PBX3: variants seen among roughly 807,000 people sequenced by gnomAD.
PBX3 encodes PBX homeobox 3, also known as pre-B-cell leukemia transcription factor 3.
A neutral mutation model predicts 48.5 loss-of-function variants in PBX3; 14 were observed. The ratio of observed to expected loss-of-function variants is 0.29; its 90% CI spans 0.19 to 0.45. PBX3 has a LOEUF of 0.45. Among genes scored for constraint, PBX3 ranks in the 20% least tolerant of loss-of-function variants. PBX3 has a pLI of 1.00. For missense variants in PBX3, 386 were observed against 546.7 expected, an observed-to-expected ratio of 0.71 and a Z score of 2.93; for synonymous variants, 210 against 200.3, an observed-to-expected ratio of 1.05 and a Z score of -0.41.
intron 2 of PBX3, among the ~76,000 whole-genome samples, chr9:125,833,199 A>C (rs570870035): frequency 6.6e-6 from 1 of 152,170 alleles, no homozygotes; most frequent in Non-Finnish European, 1.5e-5. Flanking sequence ...GTAATGAAAA[A>C]AATTGGCCAG....
At chr9:125,748,368 G>A (rs976123960) in intron 1 of PBX3, 182 bp from the exon 2 acceptor site, 19 of 1,316,860 alleles carry the variant, frequency 1.4e-5, no homozygotes, top group Non-Finnish European at 1.8e-5. Context: ...TGCAGCTTTC[G>A]CCGCCGGGGC....
At position 125,966,856 on chromosome 9, in the gene PBX3, C is replaced by T. The variant is rs748792789; in HGVS notation, c.*933C>T. On this transcript the variant is annotated 3_prime_UTR_variant, in exon 9 of 9. Coordinates refer to ENST00000373489, the MANE Select transcript of PBX3 (RefSeq NM_006195.6). ...ACTTACTACCTCTGAACAATACTCACGCTGTAGTTTGTCTCTTTCTTATCT... is the reference window on the plus strand; with the variant it reads ...ACTTACTACCTCTGAACAATACTCATGCTGTAGTTTGTCTCTTTCTTATCT... 6 of 152,728 alleles carry T rather than the reference C, an allele frequency of 3.9e-5. No individual in the cohort carries two copies. Among genetic ancestry groups the T allele is most frequent in the Middle Eastern group, 3.4e-3 (1 of 294 alleles). The allele number at this position is 152,728 out of a possible 1,614,324, so 9.5% of individuals were successfully genotyped here.
intron 6 of PBX3, among the ~76,000 whole-genome samples, 163 bp downstream of exon 6, chr9:125,961,012 G>C (rs1167417710): frequency 6.6e-6 from 1 of 152,234 alleles, no homozygotes; most frequent in African/African-American, 2.4e-5. Flanking sequence ...TGAATGAGTG[G>C]AAGGTCAGAG....
At chr9:125,948,796 A>G (rs867855916) in intron 5 of PBX3, among the ~76,000 whole-genome samples, 16 of 151,958 alleles carry the variant, frequency 1.1e-4, no homozygotes, top group Admixed American at 8.5e-4. Flanking sequence ...TCTATGTACA[A>G]TGTTTCTTGC....
intron 5 of PBX3, among the ~76,000 whole-genome samples, chr9:125,942,820 A>G (rs553661830): frequency 4.4e-4 from 67 of 152,348 alleles, no homozygotes; most frequent in African/African-American, 1.6e-3. Context: ...ATAAAAGAGC[A>G]GGTTGTAAAA....
At chr9:125,921,359 G>A (rs1014214534) in intron 3 of PBX3, among the ~76,000 whole-genome samples, 1 of 151,034 alleles carries the variant, frequency 6.6e-6, no homozygotes, top group Non-Finnish European at 1.5e-5. Context: ...AGCAGTTTTT[G>A]TACTTATTCA....
chr9:125,759,709 C>T lies in PBX3; in HGVS notation c.274+11086C>T, dbSNP rs570816251. Reference sequence around the variant, plus strand: ...AGTTTGTGGACCGCGTCTGTGAACGCGGCTCATAATTGTTTTTCACACATA... The same window carrying T: ...AGTTTGTGGACCGCGTCTGTGAACGTGGCTCATAATTGTTTTTCACACATA... On this transcript the variant is annotated intron_variant, in intron 2 of 8. Coordinates refer to ENST00000373489, the MANE Select transcript of PBX3 (RefSeq NM_006195.6). The surrounding 1 kb of genome is among the most constrained non-coding windows in gnomAD (Gnocchi z 4.2). Among the ~76,000 whole-genome samples the T allele has an allele frequency of 6.6e-6, 1 of 152,268 alleles. No homozygotes were observed. The highest frequency in any genetic ancestry group is 2.1e-4 in the South Asian group (1 of 4,826).
intron 2 of PBX3, among the ~76,000 whole-genome samples, chr9:125,813,711 C>T (rs1838366511): frequency 6.6e-6 from 1 of 152,054 alleles, no homozygotes; most frequent in African/African-American, 2.4e-5. Flanking sequence ...TTTGCCTTGT[C>T]CTAGCCCTGG....
At chr9:125,895,578 C>G (rs1262438529) in intron 2 of PBX3, among the ~76,000 whole-genome samples, 3 of 152,038 alleles carry the variant, frequency 2.0e-5, no homozygotes, top group Non-Finnish European at 4.4e-5. Context: ...TTTTCATCCA[C>G]TAAATCTGTC....
At chr9:125,893,905 A>T (rs1449344149) in intron 2 of PBX3, among the ~76,000 whole-genome samples, 16 of 152,060 alleles carry the variant, frequency 1.1e-4, no homozygotes. Flanking sequence ...TTTTCAAAAC[A>T]TTCTAAGTGA....
At position 125,929,854 on chromosome 9, in the gene PBX3, A is replaced by C. The variant is rs1241506111; in HGVS notation, c.707+9A>C. The C allele has an allele frequency of 5.6e-6, 9 of 1,603,834 alleles. No homozygotes were observed. Among genetic ancestry groups the C allele is most frequent in the South Asian group, 4.4e-5 (4 of 90,706 alleles). On this transcript the variant is annotated intron_variant, in intron 4 of 8. Coordinates refer to ENST00000373489, the MANE Select transcript of PBX3 (RefSeq NM_006195.6). ...AGGTTCCTTGATGCCAGGTATGTGA[A>C]GCCATAAATCTATTGCATGGCTTTC... is the stretch of plus-strand genomic sequence containing the variant.
rs115631614 is a variant in PBX3 at position 125,783,548 on chromosome 9, A to G, written c.274+34925A>G. Among the ~76,000 whole-genome samples the G allele has an allele frequency of 3.9e-3, 598 of 152,022 alleles. 2 individuals carry two copies. The highest frequency in any genetic ancestry group is 0.014 in the African/African-American group (570 of 41,458). On this transcript the variant is annotated intron_variant, in intron 2 of 8. Transcript: ENST00000373489. ...AGTAATATGCCTGCCTCAGCCCCCAAAGTTCTGGGATTACAGGCATCAGCC... is the reference window on the plus strand; with the variant it reads ...AGTAATATGCCTGCCTCAGCCCCCAGAGTTCTGGGATTACAGGCATCAGCC...
intron 2 of PBX3, among the ~76,000 whole-genome samples, chr9:125,909,495 G>T (rs1371548816): frequency 6.6e-6 from 1 of 152,110 alleles, no homozygotes; most frequent in Non-Finnish European, 1.5e-5. Context: ...TGTTTAGCTT[G>T]AATCATTATT....
At chr9:125,874,530 A>C (rs1840203526) in intron 2 of PBX3, among the ~76,000 whole-genome samples, 1 of 152,200 alleles carries the variant, frequency 6.6e-6, no homozygotes, top group African/African-American at 2.4e-5. Context: ...TGGAAACATT[A>C]GTAAAGATAG....
chr9:125,821,762 C>T (rs981672528), intron 2 of PBX3, among the ~76,000 whole-genome samples: 1 of 152,108 alleles, frequency 6.6e-6, no homozygotes. Flanking sequence ...TTAGCTCTGT[C>T]CACTATATAG....
At chr9:125,845,211 A>G (rs1442185308) in intron 2 of PBX3, among the ~76,000 whole-genome samples, 2 of 152,086 alleles carry the variant, frequency 1.3e-5, no homozygotes, top group African/African-American at 2.4e-5. Context: ...GTCCTTTACT[A>G]TGCAGTGTGG....
At chr9:125,923,266 A>G (rs1841493718) in intron 3 of PBX3, among the ~76,000 whole-genome samples, 1 of 152,258 alleles carries the variant, frequency 6.6e-6, no homozygotes, top group South Asian at 2.1e-4. Context: ...AAAAACTAAG[A>G]CAGCTAATAT....
chr9:125,934,383 A>G (rs1287456007), intron 4 of PBX3, among the ~76,000 whole-genome samples: 2 of 152,216 alleles, frequency 1.3e-5, no homozygotes, highest in African/African-American at 4.8e-5. Flanking sequence ...ATTATTTGGA[A>G]GAAAGTATTA....
intron 2 of PBX3, among the ~76,000 whole-genome samples, chr9:125,819,471 G>C (rs1337284531): frequency 2.0e-5 from 3 of 151,940 alleles, no homozygotes; most frequent in African/African-American, 7.3e-5. Flanking sequence ...GTTGTGGTGA[G>C]TCAAGATCAT....
Sources: gnomAD v4.1 joint callset for allele counts (sites outside exome capture counted in the v4.1 genomes callset) on GRCh38, gnomAD v4.1.1 for gene constraint, Gnocchi (gnomAD v3.1) non-coding constraint, MANE v1.5 for transcripts, NCBI Gene and HGNC (gene_info 2026-07-23, HGNC 2026-07-21) for gene names.